The following PTPRK variants were observed in gnomAD, a reference collection of about 807,000 sequenced individuals.
PTPRK encodes receptor-type tyrosine-protein phosphatase kappa.
In PTPRK, 75 loss-of-function variants were observed where a neutral mutation model predicts 178.0. The observed-to-expected ratio is 0.42, with a 90% CI of 0.35 to 0.51. The LOEUF (loss-of-function observed/expected upper bound fraction) is 0.51. PTPRK is among the 20% of genes least tolerant of loss of function. The pLI is 0.02. For synonymous variants in PTPRK, 637 were observed against 620.6 expected (o/e 1.03, Z -0.39); for missense variants, 1,441 against 1,797.8 (o/e 0.80, Z 3.59).
In PTPRK at chr6:128,061,669, C is replaced by T. The variant is rs551658293; in HGVS notation, c.2194+3089G>A. On this transcript the variant is annotated intron_variant, in intron 13 of 29. Transcript: ENST00000368226. ...ACCCTTTTCATTCAGCCCAGGGATT[C>T]CTGGGCAGGGTTGTCCTTCTCACTG... Among the ~76,000 whole-genome samples the T allele has an allele frequency of 2.0e-5, 3 of 152,138 alleles. No homozygotes were observed. The South Asian group carries it at 6.2e-4, about 32-fold the overall frequency.
chr6:128,458,112 C>T (rs1487913199), intron 1 of PTPRK, among the ~76,000 whole-genome samples: 2 of 152,224 alleles, frequency 1.3e-5, no homozygotes, highest in South Asian at 2.1e-4. Context: ...TCCATAGGGA[C>T]TTGAACATTC....
chr6:128,294,606 A>G (rs976580724), intron 3 of PTPRK, among the ~76,000 whole-genome samples: 1 of 152,098 alleles, frequency 6.6e-6, no homozygotes, highest in Non-Finnish European at 1.5e-5. Context: ...GAAAAGATAC[A>G]AAGTTTATTG....
At chr6:128,460,372 G>A (rs773018757) in intron 1 of PTPRK, among the ~76,000 whole-genome samples, 6 of 151,692 alleles carry the variant, frequency 4.0e-5, no homozygotes, top group East Asian at 1.9e-4. Flanking sequence ...GTGAGATCTC[G>A]TCTCTACTAA....
chr6:128,356,174 A>G (rs908645628), intron 2 of PTPRK, among the ~76,000 whole-genome samples: 3 of 151,944 alleles, frequency 2.0e-5, no homozygotes, highest in Non-Finnish European at 4.4e-5. Context: ...TCAAACATCA[A>G]TTAAACCCCT....
intron 1 of PTPRK, among the ~76,000 whole-genome samples, chr6:128,477,820 A>T (rs892317427): frequency 6.6e-6 from 1 of 152,154 alleles, no homozygotes; most frequent in East Asian, 1.9e-4. Flanking sequence ...TTTTAAAAAG[A>T]TCATAATTAA....
At chr6:128,273,754 C>T (rs1820273875) in intron 3 of PTPRK, among the ~76,000 whole-genome samples, 1 of 152,132 alleles carries the variant, frequency 6.6e-6, no homozygotes, top group Admixed American at 6.5e-5. Context: ...AGAAACATTC[C>T]AGTAAAGGAT....
chr6:127,986,009 T>TA, intron 21 of PTPRK, 134 bp from the exon 22 acceptor site: 1 of 766,494 alleles, frequency 1.3e-6, no homozygotes, highest in Non-Finnish European at 1.8e-6. Flanking sequence ...ATGCCTTTTC[T>TA]TAAAAAAAAA....
intron 5 of PTPRK, among the ~76,000 whole-genome samples, chr6:128,224,945 T>C (rs1224908600): frequency 1.3e-5 from 2 of 152,308 alleles, no homozygotes; most frequent in South Asian, 2.1e-4. Context: ...CAACAATTAC[T>C]AGAGCCCAAT....
At chr6:128,520,085 C>T (rs992376840) in intron 1 of PTPRK, among the ~76,000 whole-genome samples, 174 bp downstream of exon 1, 1 of 152,296 alleles carries the variant, frequency 6.6e-6, no homozygotes, top group African/African-American at 2.4e-5. Flanking sequence ...ATGGGTGCCC[C>T]GCGTCCCACC....
chr6:128,360,883 A>G (rs1834649441), intron 2 of PTPRK, among the ~76,000 whole-genome samples: 1 of 152,160 alleles, frequency 6.6e-6, no homozygotes, highest in Non-Finnish European at 1.5e-5. Flanking sequence ...AATACTACCC[A>G]ACAGAGCTCC....
chr6:128,048,921 G>A (rs1488398563), intron 13 of PTPRK, among the ~76,000 whole-genome samples: 1 of 152,050 alleles, frequency 6.6e-6, no homozygotes, highest in Non-Finnish European at 1.5e-5. Flanking sequence ...TAAAAGCAAA[G>A]GCTTTACTCT....
At chr6:128,245,679 G>A (rs1815326585) in intron 3 of PTPRK, among the ~76,000 whole-genome samples, 1 of 152,200 alleles carries the variant, frequency 6.6e-6, no homozygotes, top group African/African-American at 2.4e-5. Context: ...TATGAACACA[G>A]GAGGGTGTGC....
chr6:128,130,026 G>A (rs1793973120), intron 7 of PTPRK, among the ~76,000 whole-genome samples: 1 of 152,032 alleles, frequency 6.6e-6, no homozygotes, highest in Admixed American at 6.6e-5. Context: ...TGCTTGTATT[G>A]CTTGGCAAAA....
At chr6:128,462,687 C>G (rs1456903225) in intron 1 of PTPRK, among the ~76,000 whole-genome samples, 2 of 150,940 alleles carry the variant, frequency 1.3e-5, no homozygotes, top group African/African-American at 4.9e-5. Context: ...TGGAGTTTTG[C>G]TCTTGTTGCC....
chr6:128,004,999 C>G, intron 15 of PTPRK, 85 bp downstream of exon 15: 1 of 1,180,346 alleles, frequency 8.5e-7, no homozygotes, highest in South Asian at 1.7e-5. Context: ...TTCCTACTCT[C>G]TCTCATTACT....
In PTPRK at chr6:128,406,041, T is replaced by C. The variant is rs185922637; in HGVS notation, c.101-8353A>G. Among the ~76,000 whole-genome samples the C allele has an allele frequency of 3.9e-5, 6 of 151,994 alleles. No individual in the cohort carries two copies. The East Asian group carries it at 7.7e-4, about 20-fold the overall frequency. On this transcript the variant is annotated intron_variant, in intron 1 of 29. Transcript: ENST00000368226. ...GAACACTTTTTTAAGGAGGATCACTTGAGCCCAGAGTTGGAGACTACCCTG... is the reference window on the plus strand; with the variant it reads ...GAACACTTTTTTAAGGAGGATCACTCGAGCCCAGAGTTGGAGACTACCCTG...
At chr6:127,995,876 T>C (rs1397167354) in intron 17 of PTPRK, among the ~76,000 whole-genome samples, 1 of 152,040 alleles carries the variant, frequency 6.6e-6, no homozygotes, top group African/African-American at 2.4e-5. Flanking sequence ...TTTAAACGGG[T>C]TGGATCCTTT....
rs998641528 is a variant in PTPRK, at chr6:128,082,086, T to G, written c.1777+351A>C. Among the ~76,000 whole-genome samples the G allele has an allele frequency of 2.6e-5, 4 of 152,218 alleles. No individual in the cohort carries two copies. The East Asian group carries it at 7.7e-4, about 29-fold the overall frequency. On this transcript the variant is annotated intron_variant, in intron 10 of 29. Transcript: ENST00000368226. Reference sequence around the variant, plus strand: ...GAGAAAGGATCTTCTACCATTTTTTTGATAACATTCATTTAGAGTAAAGGT... The same window carrying G: ...GAGAAAGGATCTTCTACCATTTTTTGGATAACATTCATTTAGAGTAAAGGT...
At chr6:128,208,969 A>T (rs1807544860) in intron 6 of PTPRK, among the ~76,000 whole-genome samples, 1 of 152,036 alleles carries the variant, frequency 6.6e-6, no homozygotes, top group South Asian at 2.1e-4. Context: ...CAATATCCCA[A>T]ACAAAAATCT....
Sources: allele counts gnomAD v4.1 joint callset (sites outside exome capture counted in the v4.1 genomes callset), GRCh38; gene constraint gnomAD v4.1.1; transcripts MANE v1.5; gene names NCBI Gene and HGNC (gene_info 2026-07-23, HGNC 2026-07-21).